ZFPM2: variants seen among roughly 807,000 people sequenced by gnomAD.
ZFPM2 encodes zinc finger protein ZFPM2.
In ZFPM2, 20 loss-of-function variants were observed where a neutral mutation model predicts 98.6. The observed-to-expected ratio is 0.20, with a 90% CI of 0.14 to 0.29. The LOEUF is 0.29. Among genes scored for constraint, ZFPM2 ranks in the 10% least tolerant of loss-of-function variants. The pLI, the probability that ZFPM2 is intolerant of heterozygous loss-of-function variation, is 1.00. For synonymous variants in ZFPM2, 518 were observed against 502.7 expected (o/e 1.03, Z -0.41); for missense variants, 1,310 against 1,388.6 (o/e 0.94, Z 0.90).
chr8:105,325,267 A>G (rs1320736132), intron 1 of ZFPM2, among the ~76,000 whole-genome samples: 3 of 151,906 alleles, frequency 2.0e-5, no homozygotes, highest in African/African-American at 7.2e-5. Flanking sequence ...AAAAACTGAA[A>G]TGCAATTAAA....
chr8:105,469,050 G>C (rs1395349511), intron 3 of ZFPM2, among the ~76,000 whole-genome samples: 2 of 151,900 alleles, frequency 1.3e-5, no homozygotes, highest in African/African-American at 4.8e-5. Context: ...AAAAGTGATG[G>C]GGCAGCCCAG....
intron 5 of ZFPM2, among the ~76,000 whole-genome samples, chr8:105,754,158 G>A (rs1437440702): frequency 2.0e-5 from 3 of 152,062 alleles, no homozygotes; most frequent in Admixed American, 6.6e-5. Flanking sequence ...TGTTGCTTTA[G>A]AGTCATTAAA....
At chr8:105,501,349 A>C (rs1455934766) in intron 3 of ZFPM2, among the ~76,000 whole-genome samples, 2 of 151,634 alleles carry the variant, frequency 1.3e-5, no homozygotes, top group Non-Finnish European at 2.9e-5. Flanking sequence ...CACTTGGCTA[A>C]TTTATTTGTA....
At chr8:105,371,167 T>G (rs1273073448) in intron 1 of ZFPM2, among the ~76,000 whole-genome samples, 1 of 152,186 alleles carries the variant, frequency 6.6e-6, no homozygotes, top group Non-Finnish European at 1.5e-5. Flanking sequence ...TTTCTCTGTG[T>G]GTGTGTGAAC....
chr8:105,770,985 C>A (rs746894346), intron 5 of ZFPM2, among the ~76,000 whole-genome samples: 2 of 152,058 alleles, frequency 1.3e-5, no homozygotes, highest in South Asian at 4.1e-4. Context: ...TCACTCCTGG[C>A]CTTCCTAGGA....
chr8:105,616,767 C>G, intron 4 of ZFPM2: 1 of 277,062 alleles, frequency 3.6e-6, no homozygotes, highest in Non-Finnish European at 7.1e-6. Flanking sequence ...CCTGTAATCC[C>G]AGCACTTTGG....
At chr8:105,453,395 A>T (rs1188480619) in intron 3 of ZFPM2, among the ~76,000 whole-genome samples, 1 of 152,234 alleles carries the variant, frequency 6.6e-6, no homozygotes, top group Non-Finnish European at 1.5e-5. Context: ...GGGCCAGCCC[A>T]GTCTGGTAGA....
At chr8:105,340,462 C>G (rs531203303) in intron 1 of ZFPM2, among the ~76,000 whole-genome samples, 1 of 151,826 alleles carries the variant, frequency 6.6e-6, no homozygotes, top group African/African-American at 2.4e-5. Flanking sequence ...ACATTTTTGA[C>G]TAATTTTAAG....
intron 3 of ZFPM2, among the ~76,000 whole-genome samples, chr8:105,447,327 A>C (rs1033582531): frequency 1.8e-4 from 27 of 151,816 alleles, no homozygotes; most frequent in Middle Eastern, 3.4e-3. Context: ...AAAAAAAAAA[A>C]CCAAAAACCT....
chr8:105,414,159 T>G (rs1318294538), intron 1 of ZFPM2, among the ~76,000 whole-genome samples: 3 of 151,992 alleles, frequency 2.0e-5, no homozygotes, highest in Non-Finnish European at 4.4e-5. Context: ...ACAGAGTGTC[T>G]TGTTTTAATC....
intron 4 of ZFPM2, among the ~76,000 whole-genome samples, chr8:105,598,140 G>A (rs10111812): frequency 0.3 from 45,169 of 149,648 alleles, 7,135 homozygotes; most frequent in Middle Eastern, 0.43. Flanking sequence ...TGCAGGGAGT[G>A]AGCTGTGTTC....
At chr8:105,421,018 A>G (rs1368229064) in intron 2 of ZFPM2, among the ~76,000 whole-genome samples, 1 of 152,036 alleles carries the variant, frequency 6.6e-6, no homozygotes. Context: ...CTTTCATTAA[A>G]CTTTTCATTA....
chr8:105,693,975 CTTTTCTTTTTTTT>C lies in ZFPM2; in HGVS notation c.532+59623_532+59635del, dbSNP rs1195199045. Among the ~76,000 whole-genome samples, 474 of 108,498 alleles carry C rather than the reference CTTTTCTTTTTTTT, an allele frequency of 4.4e-3. 2 individuals are homozygous for C. The highest frequency in any genetic ancestry group is 6.0e-3 in the Non-Finnish European group (296 of 49,398). The allele number at this position is 108,498 out of a possible 152,430, so 71.2% of individuals were successfully genotyped here. A position where few individuals can be genotyped will look rare whatever the true frequency, so the allele number is the denominator to read the frequency against. ...CCAAATTTTTTTCTTTTCTTTTTTTCTTTTCTTTTTTTTTTTTTTTTTTTTTTGAGATGGAGTC... is the reference window on the plus strand; with the variant it reads ...CCAAATTTTTTTCTTTTCTTTTTTTCTTTTTTTTTTTTTTGAGATGGAGTC... On this transcript the variant is annotated intron_variant, in intron 5 of 7. Coordinates refer to ENST00000407775, the MANE Select transcript of ZFPM2 (RefSeq NM_012082.4).
chr8:105,327,165 G>GT (rs145584377), intron 1 of ZFPM2, among the ~76,000 whole-genome samples: 1,677 of 151,522 alleles, frequency 0.011, 16 homozygotes, highest in African/African-American at 0.032. Flanking sequence ...TTTTTAGCTA[G>GT]TTGACATCTG....
At chr8:105,531,564 C>T (rs1338027699) in intron 3 of ZFPM2, among the ~76,000 whole-genome samples, 1 of 152,092 alleles carries the variant, frequency 6.6e-6, no homozygotes, top group African/African-American at 2.4e-5. Flanking sequence ...CTGCAGTGAC[C>T]CTGTTTCCAA....
Position 105,541,414 on chromosome 8 carries a change from A to G in ZFPM2, c.302-19949A>G, listed in dbSNP as rs116376610. Among the ~76,000 whole-genome samples, 345 of 152,272 alleles carry G rather than the reference A, an allele frequency of 2.3e-3. 3 individuals carry two copies. The highest frequency in any genetic ancestry group is 8.1e-3 in the African/African-American group (337 of 41,566). On this transcript the variant is annotated intron_variant, in intron 3 of 7. Coordinates refer to ENST00000407775, the MANE Select transcript of ZFPM2 (RefSeq NM_012082.4). The stretch of plus-strand genomic sequence containing the variant: ...AAACATATTCTCTTTCAGTTCCACC[A>G]TGCTGTGCCTGTACTTTTAAGTGAA...
intron 5 of ZFPM2, among the ~76,000 whole-genome samples, chr8:105,709,739 A>G (rs1247769137): frequency 6.6e-6 from 1 of 152,132 alleles, no homozygotes; most frequent in African/African-American, 2.4e-5. Flanking sequence ...ATTTAAAGAA[A>G]AAAATTTTAG....
chr8:105,721,711 A>G (rs1204255921), intron 5 of ZFPM2, among the ~76,000 whole-genome samples: 2 of 151,968 alleles, frequency 1.3e-5, no homozygotes, highest in South Asian at 2.1e-4. Flanking sequence ...TCTTACCTTC[A>G]TCAGGCCTTC....
At chr8:105,484,289 ATTTT>A (rs10716319) in intron 3 of ZFPM2, among the ~76,000 whole-genome samples, 1 of 151,954 alleles carries the variant, frequency 6.6e-6, no homozygotes, top group East Asian at 1.9e-4. Flanking sequence ...ATCTTAATAA[ATTTT>A]TTTTAACTAC....
Sources: gnomAD v4.1 joint callset for allele counts (sites outside exome capture counted in the v4.1 genomes callset) on GRCh38, gnomAD v4.1.1 for gene constraint, MANE v1.5 for transcripts, NCBI Gene and HGNC (gene_info 2026-07-23, HGNC 2026-07-21) for gene names.